The following RP1 variants were observed in gnomAD, a reference collection of about 807,000 sequenced individuals.
RP1 encodes the protein RP1 axonemal microtubule associated.
RP1 carries 16 observed loss-of-function variants against 14.8 expected under a neutral mutation model. The observed-to-expected ratio is 1.08, with a 90% CI of 0.73 to 1.65. The LOEUF is 1.65. RP1 is among the 40% of genes most tolerant of loss of function. The probability of loss-of-function intolerance (pLI) is 0.00; values close to 1 mark genes in which losing one functional copy is unlikely to be tolerated. For missense variants in RP1, 2,631 were observed against 2,535.0 expected (o/e 1.04, Z -0.81); for synonymous variants, 876 against 883.6 (o/e 0.99, Z 0.15).
chr8:54,769,810 C>A lies in RP1; in HGVS notation c.3318C>A (p.Tyr1106Ter), dbSNP rs1433438283. Residue 1106 changes from tyrosine (Y) to a stop codon, truncating the protein, a stop_gained, in exon 23 of 23, where the codon TAC becomes TAA. Coordinates refer to the RP1 transcript ENST00000636932. LOFTEE classifies it high-confidence loss of function. ...AACTTTATCTTCAAGGTGAGGATTA[C>A]TGAAACCATCAGTAGAAGAAAGTAC... is the stretch of plus-strand genomic sequence containing the variant. The A allele has an allele frequency of 6.6e-7, 1 of 1,522,236 alleles. No individual in the cohort carries two copies. The highest frequency in any genetic ancestry group is 1.4e-5 in the African/African-American group (1 of 72,642). 94.3% of individuals were successfully genotyped at this position (1,522,236 alleles called of 1,614,324 possible).
chr8:54,759,006 T>C lies in RP1; in HGVS notation c.3178T>C (p.Tyr1060His), dbSNP rs1809573224. The change falls in exon 22 of 23, where the codon TAC (tyrosine) becomes CAC (histidine). Residue 1060 changes from tyrosine (Y) to histidine (H), a missense_variant. Tyr to His is a moderately conservative substitution (Grantham distance 83). Transcript: ENST00000636932. ...CTGTGAGGCCAGTGACAAATCACAG[T>C]ACTGGTACTGTGAACAAGTCATAGT... The C allele has an allele frequency of 3.9e-6, 6 of 1,535,930 alleles. No individual in the cohort carries two copies. In the East Asian group the frequency reaches 7.3e-5, roughly 19 times the overall value.
chr8:54,750,004 A>G (rs1028112498), intron 19 of RP1, among the ~76,000 whole-genome samples: 4 of 152,074 alleles, frequency 2.6e-5, no homozygotes, highest in African/African-American at 9.7e-5. Context: ...GAGCCAAAGG[A>G]GACTGTTAGT....
intron 24 of RP1, among the ~76,000 whole-genome samples, chr8:54,821,794 C>A (rs1157060902): frequency 6.6e-6 from 1 of 152,172 alleles, no homozygotes; most frequent in Non-Finnish European, 1.5e-5. Flanking sequence ...TCCTGTACTG[C>A]CCATATTTTG....
chr8:54,597,417 C>T (rs1307634659), intron 1 of RP1, among the ~76,000 whole-genome samples: 2 of 151,986 alleles, frequency 1.3e-5, no homozygotes, highest in African/African-American at 4.8e-5. Flanking sequence ...TACATAAATA[C>T]ATGTTGTATA....
At chr8:54,607,935 T>C (rs13250680) in intron 1 of RP1, among the ~76,000 whole-genome samples, 52,250 of 151,988 alleles carry the variant, frequency 0.34, 9,551 homozygotes, top group Middle Eastern at 0.49. Flanking sequence ...TTCCAGGTGC[T>C]GTCTGTCACC....
At chr8:54,825,228 G>T (rs1811360295) in intron 24 of RP1, among the ~76,000 whole-genome samples, 2 of 151,978 alleles carry the variant, frequency 1.3e-5, no homozygotes, top group African/African-American at 2.4e-5. Flanking sequence ...CAAAGTGCTG[G>T]GATTACAGGC....
At chr8:54,623,960 C>G (rs1805951592) in intron 3 of RP1, among the ~76,000 whole-genome samples, 1 of 152,152 alleles carries the variant, frequency 6.6e-6, no homozygotes, top group Non-Finnish European at 1.5e-5. Context: ...CCACAAAAAA[C>G]TTTTATCTTT....
chr8:54,850,740 AT>A (rs1812041870), intron 25 of RP1, among the ~76,000 whole-genome samples: 1 of 152,246 alleles, frequency 6.6e-6, no homozygotes, highest in African/African-American at 2.4e-5. Flanking sequence ...GTCTGAAATA[AT>A]TTATTGTTAT....
At chr8:54,785,125 A>T (rs1344030174) in intron 24 of RP1, among the ~76,000 whole-genome samples, 2 of 152,062 alleles carry the variant, frequency 1.3e-5, no homozygotes, top group Non-Finnish European at 2.9e-5. Context: ...GAACAATTTC[A>T]TCACTCCAAA....
chr8:54,746,683 T>G (rs574519395), intron 19 of RP1, among the ~76,000 whole-genome samples: 124 of 152,386 alleles, frequency 8.1e-4, no homozygotes, highest in African/African-American at 2.7e-3. Flanking sequence ...TCTCTGGAAT[T>G]GACTTTGGCT....
At position 54,627,907 on chromosome 8, in the gene RP1, T is replaced by G. The variant is rs201683491; in HGVS notation, c.4025T>G (p.Ile1342Ser). 6.2e-7 allele frequency: 1 copy of G among 1,614,140 alleles called. No individual in the cohort carries two copies. The highest frequency in any genetic ancestry group is 1.3e-5 in the African/African-American group (1 of 75,064). The change falls in exon 4 of 4, where the codon ATT (isoleucine) becomes AGT (serine). Residue 1342 changes from isoleucine (I) to serine (S), a missense_variant. Transcript: ENST00000220676. ...GTTCCTGTCAATGTCTGCAATACCA[T>G]TGACTTTTTAAACTCCAAAGAAAAC... ...TYVPVNVCNT[I>S]DFLNSKENTY...
chr8:54,769,687 T>G, intron 22 of RP1: 1 of 1,185,016 alleles, frequency 8.4e-7, no homozygotes, highest in Non-Finnish European at 1.2e-6. Flanking sequence ...CAGAAATTAA[T>G]TTTCTCTCTA....
chr8:54,767,534 A>T (rs181083958), intron 22 of RP1, among the ~76,000 whole-genome samples: 98 of 151,898 alleles, frequency 6.5e-4, no homozygotes, highest in Non-Finnish European at 9.7e-4. Flanking sequence ...CAATTTTTGG[A>T]TTTTTAGTAG....
chr8:54,765,685 ATTCT>A (rs1809743574), intron 22 of RP1, among the ~76,000 whole-genome samples: 1 of 152,082 alleles, frequency 6.6e-6, no homozygotes, highest in Non-Finnish European at 1.5e-5. Flanking sequence ...AGCTCATTAT[ATTCT>A]TTCTTCTGCT....
rs1162434339 is a variant in RP1 at position 54,696,623 on chromosome 8, C to T, written c.1718-2844C>T. 7.4e-6 allele frequency: 6 copies of T among 815,042 alleles called. No homozygotes were observed. In the South Asian group the frequency reaches 7.6e-5, roughly 10 times the overall value. The allele number at this position is 815,042 out of a possible 1,614,324, so 50.5% of individuals were successfully genotyped here. ...ACGTCTCAGATGACCAGAAGTGAAA[C>T]CTCATGCCTTAGAATTGCCAGATAA... On this transcript the variant is annotated intron_variant, in intron 12 of 22. Transcript: ENST00000636932.
upstream of RP1, among the ~76,000 whole-genome samples, chr8:54,613,932 T>A (rs1332188735): frequency 2.0e-5 from 3 of 152,224 alleles, no homozygotes; most frequent in Non-Finnish European, 4.4e-5. Context: ...CTAAATGCTG[T>A]GAGGATCATG....
intron 12 of RP1, chr8:54,696,445 C>G (rs1585614831): frequency 1.2e-6 from 1 of 807,506 alleles, no homozygotes; most frequent in African/African-American, 1.7e-5. Flanking sequence ...CAGAAAGTCT[C>G]CTGAAAAAGA....
intron 4 of RP1, among the ~76,000 whole-genome samples, chr8:54,649,306 A>C (rs902196190): frequency 2.0e-5 from 3 of 152,168 alleles, no homozygotes; most frequent in African/African-American, 7.2e-5. Flanking sequence ...GATTTAACAC[A>C]AGTAAATCTG....
chr8:54,869,452 G>T (rs1812531569), intron 28 of RP1, among the ~76,000 whole-genome samples: 1 of 152,006 alleles, frequency 6.6e-6, no homozygotes, highest in Non-Finnish European at 1.5e-5. Flanking sequence ...TAGTTCTCTT[G>T]AAGAGTGCTG....
Sources: gnomAD v4.1 joint callset for allele counts (sites outside exome capture counted in the v4.1 genomes callset) on GRCh38, gnomAD v4.1.1 for gene constraint, MANE v1.5 for transcripts, NCBI Gene and HGNC (gene_info 2026-07-23, HGNC 2026-07-21) for gene names.